The following IFFO1 variants were observed in gnomAD, a reference collection of about 807,000 sequenced individuals.
The protein encoded by IFFO1 is non-homologous end joining factor IFFO1.
In IFFO1, 42 loss-of-function variants were observed where a neutral mutation model predicts 59.6. The ratio of observed to expected loss-of-function variants is 0.70; its 90% CI spans 0.55 to 0.91. The LOEUF (loss-of-function observed/expected upper bound fraction) is 0.91, where lower values mean the gene tolerates loss of function less well. Among genes scored for constraint, IFFO1 ranks in the 40% least tolerant of loss-of-function variants. The pLI is 0.00. For missense variants in IFFO1, 711 were observed against 793.2 expected (o/e 0.90, Z 1.24); for synonymous variants, 336 against 342.8 (o/e 0.98, Z 0.22).
Position 6,555,358 on chromosome 12 carries a change from C to A in IFFO1, c.672G>T (p.Pro224=). Residue 224 remains proline, a synonymous_variant, in exon 1 of 10, where the codon CCG becomes CCT. Transcript: ENST00000619571. This position sits in a 1 kb window ranked among gnomAD's most constrained non-coding sequence, Gnocchi z 8.6. ...VQGPGLSWVH[P]DGVGVQIDTI... ...TGTCGATCTGGACGCCCACCCCATCCGGGTGCACCCACGACAAGCCAGGCC... is the reference window on the plus strand; with the variant it reads ...TGTCGATCTGGACGCCCACCCCATCAGGGTGCACCCACGACAAGCCAGGCC... 1 of 1,614,188 alleles carries A rather than the reference C, an allele frequency of 6.2e-7. No homozygotes were observed. Among genetic ancestry groups the A allele is most frequent in the Non-Finnish European group, 8.5e-7 (1 of 1,180,022 alleles).
At position 6,541,363 on chromosome 12, in the gene IFFO1, T is replaced by C; in HGVS notation, c.1610+149A>G. On this transcript the variant is annotated intron_variant, in intron 9 of 9. Coordinates refer to ENST00000619571, the MANE Select transcript of IFFO1 (RefSeq NM_001193457.2). This position sits in a 1 kb window ranked among gnomAD's most constrained non-coding sequence, Gnocchi z 4.8. Reference sequence around the variant, plus strand: ...AACTGCCAAGGGAGAGAGCTGTGGGTCTGGGCCAGCCCCACCAGGTAACTC... The same window carrying C: ...AACTGCCAAGGGAGAGAGCTGTGGGCCTGGGCCAGCCCCACCAGGTAACTC... 1 of 975,818 alleles carries C rather than the reference T, an allele frequency of 1.0e-6. No homozygotes were observed. The highest frequency in any genetic ancestry group is 1.5e-6 in the Non-Finnish European group (1 of 666,680). 60.4% of individuals were successfully genotyped at this position (975,818 alleles called of 1,614,324 possible).
Position 6,549,155 on chromosome 12 carries a change from T to C in IFFO1, c.1081-306A>G. ...CATGATGGCTCAAGAGGAAATTTTT[T>C]TCTAAAAAAAGTCTTTTTGATTAAA... On this transcript the variant is annotated intron_variant, in intron 5 of 9. Coordinates refer to ENST00000619571, the MANE Select transcript of IFFO1 (RefSeq NM_001193457.2). The surrounding 1 kb of genome is among the most constrained non-coding windows in gnomAD (Gnocchi z 5.0). 2.0e-6 allele frequency: 1 copy of C among 505,884 alleles called. No homozygotes were observed. The highest frequency in any genetic ancestry group is 3.5e-6 in the Non-Finnish European group (1 of 288,200). 31.3% of individuals were successfully genotyped at this position (505,884 alleles called of 1,614,324 possible). A position where few individuals can be genotyped will look rare whatever the true frequency, so the allele number is the denominator to read the frequency against.
chr12:6,550,825 T>A, intron 2 of IFFO1, 35 bp from the exon 3 acceptor site: 1 of 1,608,154 alleles, frequency 6.2e-7, no homozygotes, highest in Non-Finnish European at 8.5e-7. Context: ...TTGGTGGCAC[T>A]GCCGAGGTGG....
chr12:6,551,044 C>T (rs2136135534), intron 1 of IFFO1, 43 bp from the exon 2 acceptor site: 1 of 1,596,234 alleles, frequency 6.3e-7, no homozygotes, highest in East Asian at 2.2e-5. Context: ...GGTACAGAGT[C>T]CTTCCCTGCC....
At chr12:6,544,460 C>T (rs1241319246) in intron 8 of IFFO1, among the ~76,000 whole-genome samples, 1 of 152,144 alleles carries the variant, frequency 6.6e-6, no homozygotes, top group African/African-American at 2.4e-5. Context: ...AGAGCCACCA[C>T]GCCCAGCCAA....
chr12:6,548,281 A>C lies in IFFO1; in HGVS notation c.1384-121T>G. The C allele has an allele frequency of 7.4e-7, 1 of 1,359,802 alleles. No individual in the cohort carries two copies. 84.2% of individuals were successfully genotyped at this position (1,359,802 alleles called of 1,614,324 possible). On this transcript the variant is annotated intron_variant, in intron 7 of 9. Coordinates refer to ENST00000619571, the MANE Select transcript of IFFO1 (RefSeq NM_001193457.2). The surrounding 1 kb of genome is among the most constrained non-coding windows in gnomAD (Gnocchi z 6.1). The stretch of plus-strand genomic sequence containing the variant: ...TCTGGTTAAAGAAACTGGAGAAAGA[A>C]AAGCAAAAGGATAAAGGAAGAGGGG...
intron 1 of IFFO1, chr12:6,551,482 T>C: frequency 7.7e-7 from 1 of 1,291,500 alleles, no homozygotes; most frequent in Non-Finnish European, 1.0e-6. Context: ...TCTTGTGGTA[T>C]CATTTAACCC....
At chr12:6,551,281 G>T (rs999668434) in intron 1 of IFFO1, 3 of 631,180 alleles carry the variant, frequency 4.8e-6, no homozygotes, top group Non-Finnish European at 7.7e-6. Context: ...CTGAGGCTCC[G>T]GTCCTCCGTG....
chr12:6,554,986 G>T (rs1462634792), intron 1 of IFFO1, among the ~76,000 whole-genome samples: 3 of 152,200 alleles, frequency 2.0e-5, no homozygotes, highest in Non-Finnish European at 4.4e-5. Context: ...CACAAAACCC[G>T]CAGTTAAGCC....
chr12:6,547,347 C>T (rs1359278925), intron 8 of IFFO1, among the ~76,000 whole-genome samples: 6 of 151,732 alleles, frequency 4.0e-5, no homozygotes, highest in East Asian at 3.9e-4. Flanking sequence ...CAGAAGATCA[C>T]GGCTGCAGTG....
At position 6,555,196 on chromosome 12, in the gene IFFO1, C is replaced by T; in HGVS notation, c.773+61G>A. ...CCTGATTCTTCGGAACCCACACCAA[C>T]TCGCGGCCCGTTGTGAGTGGTATGA... On this transcript the variant is annotated intron_variant, in intron 1 of 9. Transcript: ENST00000619571. The surrounding 1 kb of genome is among the most constrained non-coding windows in gnomAD (Gnocchi z 8.6). The T allele has an allele frequency of 1.3e-6, 2 of 1,547,518 alleles. No homozygotes were observed. Among genetic ancestry groups the T allele is most frequent in the Non-Finnish European group, 1.8e-6 (2 of 1,120,762 alleles).
rs1409395318 is a variant in IFFO1, at chr12:6,549,454, G to A, written c.1080+22C>T. 6.2e-7 allele frequency: 1 copy of A among 1,613,782 alleles called. No individual in the cohort carries two copies. Among genetic ancestry groups the A allele is most frequent in the African/African-American group, 1.3e-5 (1 of 74,914 alleles). On this transcript the variant is annotated intron_variant, in intron 5 of 9. Transcript: ENST00000619571. This position sits in a 1 kb window ranked among gnomAD's most constrained non-coding sequence, Gnocchi z 5.0. ...GAAACTGGGACTGGGACATTAATAAGCTTGCGTGAGATCAAACTAACCAGC... is the reference window on the plus strand; with the variant it reads ...GAAACTGGGACTGGGACATTAATAAACTTGCGTGAGATCAAACTAACCAGC...
Position 6,540,443 on chromosome 12 carries a change from C to T in IFFO1, c.*40G>A. ...CCCCACCCTCTGCCTCGCTGAGCTCCCTGCTGCGAGGGCCTCGGGTGCAAG... is the reference window on the plus strand; with the variant it reads ...CCCCACCCTCTGCCTCGCTGAGCTCTCTGCTGCGAGGGCCTCGGGTGCAAG... On this transcript the variant is annotated 3_prime_UTR_variant, in exon 10 of 10. Transcript: ENST00000619571. 1 of 1,519,700 alleles carries T rather than the reference C, an allele frequency of 6.6e-7. No individual in the cohort carries two copies. The allele number at this position is 1,519,700 out of a possible 1,614,324, so 94.1% of individuals were successfully genotyped here.
Position 6,540,700 on chromosome 12 carries a change from C to G in IFFO1, c.1611-112G>C, listed in dbSNP as rs952258819. The stretch of plus-strand genomic sequence containing the variant: ...GGCAGCCCGTGAGAAGTACCGGAAG[C>G]GAGGGCGGGGCCGCGGGATGGCGAG... On this transcript the variant is annotated intron_variant, in intron 9 of 9. Transcript: ENST00000619571. 13 of 938,234 alleles carry G rather than the reference C, an allele frequency of 1.4e-5. No homozygotes were observed. The East Asian group carries it at 3.4e-4, about 24-fold the overall frequency. The allele number at this position is 938,234 out of a possible 1,614,324, so 58.1% of individuals were successfully genotyped here.
intron 8 of IFFO1, among the ~76,000 whole-genome samples, chr12:6,542,970 A>G (rs150224473): frequency 1.3e-5 from 2 of 152,298 alleles, no homozygotes; most frequent in African/African-American, 4.8e-5. Context: ...GTCCCCACTT[A>G]ATTCACAAAT....
chr12:6,544,887 TC>T (rs1414499918), intron 8 of IFFO1: 2 of 152,240 alleles, frequency 1.3e-5, no homozygotes, highest in South Asian at 2.1e-4. Flanking sequence ...TTTCTCGACT[TC>T]CTTCTCAAAC....
downstream of IFFO1, chr12:6,539,097 G>C (rs1404952767): frequency 6.6e-6 from 1 of 152,236 alleles, no homozygotes; most frequent in Non-Finnish European, 1.5e-5. Context: ...CCACTGAACG[G>C]CTCAGTTGCT....
rs1402212744 is a variant in IFFO1, at chr12:6,548,680, A to G, written c.1250T>C (p.Met417Thr). The change falls in exon 6 of 10, where the codon ATG becomes ACG. Residue 417 changes from methionine (M) to threonine (T), a missense_variant. This residue lies in a region of IFFO1 where 579 missense variants were observed against 650.3 expected (regional missense o/e 0.89). Coordinates refer to ENST00000619571, the MANE Select transcript of IFFO1 (RefSeq NM_001193457.2). This position sits in a 1 kb window ranked among gnomAD's most constrained non-coding sequence, Gnocchi z 6.1. The part of the protein sequence containing the change: ...ALSINEEMQR[M>T]LNQLREYDFE... ...CCTGCGGACTCACAGCTGGTTGAGC[A>G]TGCGCTGCATCTCCTCGTTGATGCT... is the stretch of plus-strand genomic sequence containing the variant. 1 of 1,613,996 alleles carries G rather than the reference A, an allele frequency of 6.2e-7. No individual in the cohort carries two copies. The highest frequency in any genetic ancestry group is 1.7e-5 in the Admixed American group (1 of 60,008).
chr12:6,548,865 C>T lies in IFFO1; in HGVS notation c.1081-16G>A, dbSNP rs766194062. The stretch of plus-strand genomic sequence containing the variant: ...AGTGCAGAGACTACAGAGACGAGGC[C>T]GGGTGCATGAGGAGAAAGGGCGGGA... On this transcript the variant is annotated splice_polypyrimidine_tract_variant and intron_variant, in intron 5 of 9. Transcript: ENST00000619571. The surrounding 1 kb of genome is among the most constrained non-coding windows in gnomAD (Gnocchi z 6.1). 8.6e-5 allele frequency: 137 copies of T among 1,593,622 alleles called. No individual in the cohort carries two copies. The highest frequency in any genetic ancestry group is 1.0e-4 in the Non-Finnish European group (122 of 1,167,720).
Sources: gnomAD v4.1 joint callset for allele counts (sites outside exome capture counted in the v4.1 genomes callset) on GRCh38, gnomAD v4.1.1 for gene constraint, gnomAD v4.1.1 regional missense constraint, Gnocchi (gnomAD v3.1) non-coding constraint, MANE v1.5 for transcripts, NCBI Gene and HGNC (gene_info 2026-07-23, HGNC 2026-07-21) for gene names.